Variants in SNAPC4 observed in about 807,000 individuals in gnomAD.
The protein encoded by SNAPC4 is snRNA-activating protein complex subunit 4.
SNAPC4 carries 127 observed loss-of-function variants against 151.3 expected under a neutral mutation model. The observed-to-expected ratio is 0.84, with a 90% CI of 0.73 to 0.97. The LOEUF (loss-of-function observed/expected upper bound fraction) is 0.97. Ranked by LOEUF, SNAPC4 falls within the 50% of genes least tolerant of loss-of-function variation. The pLI, the probability that SNAPC4 is intolerant of heterozygous loss-of-function variation, is 0.00. For missense variants in SNAPC4, 2,186 were observed against 1,935.0 expected (o/e 1.13, Z -2.43); for synonymous variants, 1,002 against 824.4 (o/e 1.22, Z -3.69).
chr9:136,383,655 A>G lies in SNAPC4; in HGVS notation c.1514T>C (p.Leu505Pro). ...ACGGGCCCTCCGCCGCCGCCTCCGGAGACCCTGCTTCTTCTGAGGGGAGGA... is the reference window on the plus strand; with the variant it reads ...ACGGGCCCTCCGCCGCCGCCTCCGGGGACCCTGCTTCTTCTGAGGGGAGGA... ...WKIMMGKKQG[L>P]RRRRRRARHS... The change falls in exon 16 of 24, where the codon CTC becomes CCC. Residue 505 changes from leucine to proline, a missense_variant. Transcript: ENST00000684778. The surrounding 1 kb of genome is among the most constrained non-coding windows in gnomAD (Gnocchi z 4.2). 1 of 1,605,480 alleles carries G rather than the reference A, an allele frequency of 6.2e-7. No individual in the cohort carries two copies. Among genetic ancestry groups the G allele is most frequent in the Non-Finnish European group, 8.5e-7 (1 of 1,175,560 alleles).
At chr9:136,387,667 T>G in intron 12 of SNAPC4, 75 bp downstream of exon 12, 1 of 1,370,280 alleles carries the variant, frequency 7.3e-7, no homozygotes, top group Non-Finnish European at 1.0e-6. Flanking sequence ...AAGGGACCAC[T>G]GGGGCACAGC....
chr9:136,388,883 A>C (rs1833978885), intron 10 of SNAPC4, among the ~76,000 whole-genome samples: 1 of 152,184 alleles, frequency 6.6e-6, no homozygotes, highest in African/African-American at 2.4e-5. Context: ...TGACTCCAAA[A>C]CCACACTGCA....
At chr9:136,398,689 G>T (rs1177020137) in intron 1 of SNAPC4, 7 of 404,800 alleles carry the variant, frequency 1.7e-5, no homozygotes, top group African/African-American at 1.4e-4. Context: ...CTGCTCTGAG[G>T]CTGCAACCAG....
At position 136,381,882 on chromosome 9, in the gene SNAPC4, C is replaced by G. The variant is rs150375907; in HGVS notation, c.2259G>C (p.Gly753=). ...RLLLAVTPWV[G]DVVVPCTQAS... is the part of the protein sequence containing the mutation. The stretch of plus-strand genomic sequence containing the variant: ...CCTGTGTGCAGGGCACGACAACGTC[C>G]CCTACCCAAGGGGTCACAGCCAGCA... The change falls in exon 18 of 24, where the codon GGG becomes GGC. Residue 753 remains glycine (G), a synonymous_variant. Transcript: ENST00000684778. 4 of 1,612,838 alleles carry G rather than the reference C, an allele frequency of 2.5e-6. No individual in the cohort carries two copies. In the African/African-American group the frequency reaches 5.3e-5, roughly 22 times the overall value.
chr9:136,392,224 C>T (rs538644917), intron 9 of SNAPC4, 118 bp from the exon 10 acceptor site: 221 of 1,288,656 alleles, frequency 1.7e-4, no homozygotes, highest in African/African-American at 1.6e-3. Context: ...TGCAAGTAAG[C>T]GCAATCTTCG....
In SNAPC4 at chr9:136,377,793, T is replaced by G; in HGVS notation, c.4034A>C (p.Gln1345Pro). 6.2e-7 allele frequency: 1 copy of G among 1,611,908 alleles called. No homozygotes were observed. Among genetic ancestry groups the G allele is most frequent in the Non-Finnish European group, 8.5e-7 (1 of 1,179,676 alleles). Residue 1345 changes from glutamine (Q) to proline (P), a missense_variant, in exon 22 of 24, where the codon CAA (glutamine) becomes CCA (proline). Transcript: ENST00000684778. ...GEAERPAGAL[Q>P]ASLGLVRGQL... is the part of the protein sequence containing the mutation. Reference sequence around the variant, plus strand: ...CCCCCGCACCAGCCCCAGTGAGGCTTGCAGTGCTCCGGCCGGCCGCTCAGC... The same window carrying G: ...CCCCCGCACCAGCCCCAGTGAGGCTGGCAGTGCTCCGGCCGGCCGCTCAGC...
chr9:136,392,137 G>A (rs1177892818), intron 9 of SNAPC4, 31 bp from the exon 10 acceptor site: 2 of 1,608,884 alleles, frequency 1.2e-6, no homozygotes, highest in East Asian at 4.5e-5. Flanking sequence ...AGCCTTGCAG[G>A]CCACTGACCC....
intron 16 of SNAPC4, 123 bp from the exon 17 acceptor site, chr9:136,382,459 C>A: frequency 1.2e-6 from 1 of 809,608 alleles, no homozygotes; most frequent in Non-Finnish European, 2.0e-6. Context: ...GTGTACAGCT[C>A]TGCTCTGCCT....
intron 5 of SNAPC4, 148 bp downstream of exon 5, chr9:136,395,150 C>A: frequency 9.6e-7 from 1 of 1,041,900 alleles, no homozygotes; most frequent in Non-Finnish European, 1.4e-6. Context: ...GGCAGCTTGC[C>A]CACCACGGAG....
intron 18 of SNAPC4, 140 bp downstream of exon 18, chr9:136,381,684 T>C: frequency 9.5e-7 from 1 of 1,053,282 alleles, no homozygotes; most frequent in Non-Finnish European, 1.4e-6. Flanking sequence ...GACGGGAAGC[T>C]GACCAGAGGT....
chr9:136,381,539 C>A (rs1833691968), intron 18 of SNAPC4, 147 bp from the exon 19 acceptor site: 3 of 755,920 alleles, frequency 4.0e-6, no homozygotes, highest in African/African-American at 3.5e-5. Flanking sequence ...GGAACCAGCA[C>A]CCCACAGCCA....
At position 136,380,991 on chromosome 9, in the gene SNAPC4, G is replaced by C. The variant is rs978348200; in HGVS notation, c.2389-141C>G. Reference sequence around the variant, plus strand: ...TCAGCCTTCCTGCCCTTCTGATGCAGATGCAGGGGAGGCCATGAGGCTGTG... The same window carrying C: ...TCAGCCTTCCTGCCCTTCTGATGCACATGCAGGGGAGGCCATGAGGCTGTG... On this transcript the variant is annotated intron_variant, in intron 19 of 23. Coordinates refer to ENST00000684778, the MANE Select transcript of SNAPC4 (RefSeq NM_003086.4). The C allele has an allele frequency of 6.5e-6, 4 of 615,120 alleles. No homozygotes were observed. The African/African-American group carries it at 7.4e-5, about 11-fold the overall frequency. The allele number at this position is 615,120 out of a possible 1,614,324, so 38.1% of individuals were successfully genotyped here.
At chr9:136,390,289 C>T (rs1474141485) in intron 10 of SNAPC4, among the ~76,000 whole-genome samples, 1 of 152,116 alleles carries the variant, frequency 6.6e-6, no homozygotes, top group East Asian at 1.9e-4. Context: ...GGCGCGGTGG[C>T]TCACGTCTGT....
In SNAPC4 at chr9:136,388,459, T is replaced by C. The variant is rs1345615777; in HGVS notation, c.1108A>G (p.Ile370Val). 6 of 1,613,096 alleles carry C rather than the reference T, an allele frequency of 3.7e-6. No homozygotes were observed. Among genetic ancestry groups the C allele is most frequent in the Non-Finnish European group, 5.1e-6 (6 of 1,179,770 alleles). ...LVQEMRVGSH[I>V]PYRRIVYYME... ...GGGGCCTCACTTCTGCGGTAGGGGA[T>C]GTGGCTGCCGACGCGCATCTCCTGC... Residue 370 changes from isoleucine to valine, a missense_variant, in exon 11 of 24, where the codon ATC becomes GTC. Physicochemically the swap from Ile to Val is conservative, Grantham distance 29. Coordinates refer to ENST00000684778, the MANE Select transcript of SNAPC4 (RefSeq NM_003086.4).
intron 7 of SNAPC4, 128 bp from the exon 8 acceptor site, chr9:136,392,905 C>G: frequency 1.4e-6 from 1 of 740,456 alleles, no homozygotes; most frequent in Non-Finnish European, 2.3e-6. Flanking sequence ...CCCTCCCTGC[C>G]TCGGCCTCCT....
At chr9:136,384,176 G>A (rs907124329) in intron 14 of SNAPC4, 144 bp from the exon 15 acceptor site, 4 of 644,704 alleles carry the variant, frequency 6.2e-6, no homozygotes, top group Non-Finnish European at 1.1e-5. Context: ...AGCATGTTGG[G>A]TGCCTACAAT....
rs748491127 is a variant in SNAPC4 at position 136,378,161 on chromosome 9, C to T, written c.3666G>A (p.Pro1222=). The T allele has an allele frequency of 2.4e-5, 38 of 1,610,626 alleles. No homozygotes were observed. The highest frequency in any genetic ancestry group is 1.9e-4 in the African/African-American group (14 of 74,890). Residue 1222 remains proline (P), a synonymous_variant, in exon 22 of 24, where the codon CCG becomes CCA. Coordinates refer to ENST00000684778, the MANE Select transcript of SNAPC4 (RefSeq NM_003086.4). ...VIPATEPRGT[P]GSPSGTQEPR... Reference sequence around the variant, plus strand: ...GCTCCTGTGTCCCTGAGGGGGACCCCGGCGTCCCCCTTGGCTCAGTTGCTG... The same window carrying T: ...GCTCCTGTGTCCCTGAGGGGGACCCTGGCGTCCCCCTTGGCTCAGTTGCTG...
At position 136,377,842 on chromosome 9, in the gene SNAPC4, T is replaced by G. The variant is rs1588735688; in HGVS notation, c.3985A>C (p.Thr1329Pro). ...LHKKALEHKA[T>P]SLVVGGEAER... ...GCCTCGCCCCCCACCACCAGGGAGG[T>G]GGCCTTGTGCTCCAGGGCCTTCTTG... Residue 1329 changes from threonine (T) to proline (P), a missense_variant, in exon 22 of 24, where the codon ACC (threonine) becomes CCC (proline). Thr to Pro is a conservative substitution (Grantham distance 38). Coordinates refer to ENST00000684778, the MANE Select transcript of SNAPC4 (RefSeq NM_003086.4). The G allele has an allele frequency of 2.5e-6, 4 of 1,611,256 alleles. No homozygotes were observed. Among genetic ancestry groups the G allele is most frequent in the Non-Finnish European group, 3.4e-6 (4 of 1,179,766 alleles).
intron 10 of SNAPC4, among the ~76,000 whole-genome samples, chr9:136,391,321 G>T (rs1221412680): frequency 6.6e-6 from 1 of 152,118 alleles, no homozygotes; most frequent in Non-Finnish European, 1.5e-5. Context: ...CTCGCCCCTA[G>T]TTCATGTTCC....
Sources: allele counts gnomAD v4.1 joint callset (sites outside exome capture counted in the v4.1 genomes callset), GRCh38; gene constraint gnomAD v4.1.1; non-coding constraint Gnocchi (gnomAD v3.1); transcripts MANE v1.5; gene names NCBI Gene and HGNC (gene_info 2026-07-23, HGNC 2026-07-21).